The following KCND2 variants were observed in gnomAD, a reference collection of about 807,000 sequenced individuals.
The protein encoded by KCND2 is A-type voltage-gated potassium channel KCND2.
A neutral mutation model predicts 54.4 loss-of-function variants in KCND2; 16 were observed. The ratio of observed to expected loss-of-function variants is 0.29; its 90% CI spans 0.20 to 0.45. The LOEUF (loss-of-function observed/expected upper bound fraction) is 0.45. KCND2 is among the 20% of genes least tolerant of loss of function. The pLI is 1.00. For synonymous variants in KCND2, 317 were observed against 310.7 expected (o/e 1.02, Z -0.21); for missense variants, 486 against 824.2 (o/e 0.59, Z 5.02).
chr7:120,622,950 A>G (rs1490769942), intron 1 of KCND2, among the ~76,000 whole-genome samples: 1 of 152,184 alleles, frequency 6.6e-6, no homozygotes, highest in African/African-American at 2.4e-5. Context: ...TTAAAGATTT[A>G]AAAGGTTTTG....
chr7:120,650,567 C>G (rs1261030878), intron 1 of KCND2, among the ~76,000 whole-genome samples: 1 of 143,482 alleles, frequency 7.0e-6, no homozygotes, highest in Non-Finnish European at 1.5e-5. Flanking sequence ...CGAACTTCCT[C>G]CTTTAGCTCG....
At chr7:120,389,664 A>G (rs1801043696) in intron 1 of KCND2, among the ~76,000 whole-genome samples, 1 of 151,810 alleles carries the variant, frequency 6.6e-6, no homozygotes, top group Non-Finnish European at 1.5e-5. Context: ...AGTTTTACTC[A>G]TGTTAACCTA....
intron 1 of KCND2, among the ~76,000 whole-genome samples, chr7:120,693,127 G>A (rs983441131): frequency 1.1e-4 from 16 of 152,044 alleles, no homozygotes; most frequent in African/African-American, 3.6e-4. Context: ...AAGTACAGGA[G>A]TACCAACATT....
intron 1 of KCND2, among the ~76,000 whole-genome samples, chr7:120,283,996 A>G (rs1216896211): frequency 6.6e-6 from 1 of 152,192 alleles, no homozygotes; most frequent in Non-Finnish European, 1.5e-5. Context: ...AAGAATCACC[A>G]TGCTGAAGAA....
chr7:120,674,691 G>T (rs1792036621), intron 1 of KCND2, among the ~76,000 whole-genome samples: 1 of 152,050 alleles, frequency 6.6e-6, no homozygotes, highest in South Asian at 2.1e-4. Context: ...CATCCTTCAG[G>T]CAATTTATTG....
intron 1 of KCND2, among the ~76,000 whole-genome samples, chr7:120,597,199 G>A (rs1399122983): frequency 6.6e-6 from 1 of 152,164 alleles, no homozygotes; most frequent in Admixed American, 6.5e-5. Flanking sequence ...TTAGACAAAA[G>A]ACACTTGACA....
intron 1 of KCND2, among the ~76,000 whole-genome samples, chr7:120,526,408 T>TA (rs2116356262): frequency 6.6e-6 from 1 of 152,204 alleles, no homozygotes; most frequent in African/African-American, 2.4e-5. Context: ...CACATGAAGT[T>TA]AAAAAAGTAA....
intron 1 of KCND2, among the ~76,000 whole-genome samples, chr7:120,368,860 TGAG>T: frequency 6.6e-6 from 1 of 152,198 alleles, no homozygotes; most frequent in Middle Eastern, 3.4e-3. Context: ...AATATGGCAG[TGAG>T]GAGAAGTTAA....
intron 1 of KCND2, among the ~76,000 whole-genome samples, chr7:120,375,854 C>T (rs1183075775): frequency 4.0e-5 from 6 of 151,714 alleles, no homozygotes; most frequent in African/African-American, 1.2e-4. Flanking sequence ...GGAAACAAGT[C>T]GTATTCATTT....
At chr7:120,532,182 A>G (rs1477085997) in intron 1 of KCND2, among the ~76,000 whole-genome samples, 2 of 152,082 alleles carry the variant, frequency 1.3e-5, no homozygotes, top group African/African-American at 4.8e-5. Context: ...ATTTAAATAC[A>G]TCATTTCTTT....
chr7:120,348,788 T>C (rs1800361004), intron 1 of KCND2, among the ~76,000 whole-genome samples: 2 of 152,222 alleles, frequency 1.3e-5, no homozygotes. Context: ...AGAAAAAGAA[T>C]ATTCTGTATT....
At chr7:120,697,652 G>A (rs1158907589) in intron 1 of KCND2, among the ~76,000 whole-genome samples, 1 of 152,140 alleles carries the variant, frequency 6.6e-6, no homozygotes, top group African/African-American at 2.4e-5. Context: ...TACCCCAGTG[G>A]ACCAACTGCA....
At chr7:120,469,907 TTAG>T (rs1802429495) in intron 1 of KCND2, among the ~76,000 whole-genome samples, 1 of 152,152 alleles carries the variant, frequency 6.6e-6, no homozygotes, top group South Asian at 2.1e-4. Flanking sequence ...TTATCTCCTA[TTAG>T]TAGCATAAAA....
At chr7:120,672,878 G>C (rs1792009974) in intron 1 of KCND2, 1 of 151,994 alleles carries the variant, frequency 6.6e-6, no homozygotes, top group Non-Finnish European at 1.5e-5. Flanking sequence ...GCTCTCTTTG[G>C]CAGCACGTGT....
intron 1 of KCND2, among the ~76,000 whole-genome samples, chr7:120,319,688 ATTG>A (rs1799864873): frequency 1.3e-5 from 2 of 152,158 alleles, no homozygotes; most frequent in Admixed American, 6.5e-5. Flanking sequence ...TTTCAAAAAT[ATTG>A]TTAAGATAAT....
chr7:120,445,965 G>A (rs1385493343), intron 1 of KCND2, among the ~76,000 whole-genome samples: 3 of 152,022 alleles, frequency 2.0e-5, no homozygotes, highest in Non-Finnish European at 4.4e-5. Context: ...ATGAAATTTT[G>A]CATGCTTATC....
At chr7:120,399,404 C>T (rs1388398712) in intron 1 of KCND2, among the ~76,000 whole-genome samples, 1 of 151,538 alleles carries the variant, frequency 6.6e-6, no homozygotes, top group African/African-American at 2.4e-5. Context: ...AAACAAAGGG[C>T]ATCTTGCATT....
In KCND2 at chr7:120,741,352, T is replaced by C. The variant is rs7794758; in HGVS notation, c.1279-182T>C. ...CAAGGTAGTTCATTGATTTTACTGA[T>C]AAATATTAACTGAAATAAAGCACTT... On this transcript the variant is annotated intron_variant, in intron 2 of 5. Transcript: ENST00000331113. Among the ~76,000 whole-genome samples the C allele has an allele frequency of 2.8e-3, 424 of 152,288 alleles. 3 individuals carry two copies. Among genetic ancestry groups the C allele is most frequent in the African/African-American group, 0.01 (417 of 41,578 alleles).
At chr7:120,605,785 C>T (rs4730965) in intron 1 of KCND2, among the ~76,000 whole-genome samples, 105,293 of 152,020 alleles carry the variant, frequency 0.69, 38,853 homozygotes, top group Middle Eastern at 0.88. Context: ...TAATCTATCA[C>T]TGTGGTTTTG....
Sources: allele counts gnomAD v4.1 joint callset (sites outside exome capture counted in the v4.1 genomes callset), GRCh38; gene constraint gnomAD v4.1.1; transcripts MANE v1.5; gene names NCBI Gene and HGNC (gene_info 2026-07-23, HGNC 2026-07-21).